PUS10: variants seen among roughly 807,000 people sequenced by gnomAD.
The protein encoded by PUS10 is tRNA pseudouridine synthase Pus10.
In PUS10, 59 loss-of-function variants were observed where a neutral mutation model predicts 75.0. The ratio of observed to expected loss-of-function variants is 0.79; its 90% confidence interval spans 0.64 to 0.98. The LOEUF is 0.98. Ranked by LOEUF, PUS10 falls within the 50% of genes least tolerant of loss-of-function variation. PUS10 has a pLI of 0.00. For synonymous variants in PUS10, 219 were observed against 211.6 expected (o/e 1.03, Z -0.30); for missense variants, 650 against 614.4 (o/e 1.06, Z -0.61).
intron 4 of PUS10, among the ~76,000 whole-genome samples, chr2:60,983,224 A>C (rs1192514275): frequency 6.6e-6 from 1 of 152,184 alleles, no homozygotes; most frequent in East Asian, 1.9e-4. Flanking sequence ...AATCAGAATG[A>C]AAAATGCTTA....
intron 4 of PUS10, among the ~76,000 whole-genome samples, chr2:60,990,198 T>A (rs1381879375): frequency 1.3e-5 from 2 of 152,092 alleles, no homozygotes; most frequent in African/African-American, 4.8e-5. Context: ...GTCTTGGAAT[T>A]AAAAACATAG....
At chr2:60,964,979 A>G (rs1053238161) in intron 8 of PUS10, 79 bp downstream of exon 8, 2 of 1,198,852 alleles carry the variant, frequency 1.7e-6, no homozygotes, top group Admixed American at 1.9e-5. Context: ...TTTCTGATGC[A>G]TATCCTTTTT....
chr2:60,970,196 C>T (rs920991098), intron 5 of PUS10, among the ~76,000 whole-genome samples: 1 of 151,994 alleles, frequency 6.6e-6, no homozygotes, highest in Non-Finnish European at 1.5e-5. Flanking sequence ...TTTCTAAAAA[C>T]ATAGGATCAA....
chr2:60,972,361 T>C (rs918469189), intron 4 of PUS10, among the ~76,000 whole-genome samples: 2 of 151,506 alleles, frequency 1.3e-5, no homozygotes, highest in Non-Finnish European at 1.5e-5. Context: ...TCCCAGCTAC[T>C]TGAGAGGCTG....
chr2:60,954,191 C>T (rs367813741), intron 12 of PUS10, 33 bp from the exon 13 acceptor site: 11 of 1,607,716 alleles, frequency 6.8e-6, no homozygotes, highest in Non-Finnish European at 9.4e-6. Context: ...GAAACAGAAA[C>T]GTGTTGATGG....
chr2:60,966,629 C>T (rs1287406992), intron 6 of PUS10: 1 of 152,402 alleles, frequency 6.6e-6, no homozygotes, highest in Admixed American at 6.5e-5. Context: ...AATGACTTCT[C>T]TAACTTCCAA....
chr2:61,017,983 G>T, intron 1 of PUS10, 25 bp downstream of exon 1: 1 of 1,313,488 alleles, frequency 7.6e-7, no homozygotes, highest in South Asian at 1.4e-5. Context: ...GGGGATAGGG[G>T]CCGAGGTGGA....
chr2:61,015,122 G>A (rs1028109259), intron 1 of PUS10, among the ~76,000 whole-genome samples: 2 of 152,146 alleles, frequency 1.3e-5, no homozygotes, highest in African/African-American at 4.8e-5. Flanking sequence ...ATTGAGAAAC[G>A]CATAGTTAGG....
rs199537720 is a variant in PUS10 at position 60,942,140 on chromosome 2, AT to A, written c.*254del. On this transcript the variant is annotated 3_prime_UTR_variant, in exon 18 of 18. Coordinates refer to ENST00000316752, the MANE Select transcript of PUS10 (RefSeq NM_144709.4). Reference sequence around the variant, plus strand: ...AAGAATTAAGGAGAATTATTTCATTATTCATAGTTTGGTTTGTGGGGGTGAA... The same window carrying A: ...AAGAATTAAGGAGAATTATTTCATTATCATAGTTTGGTTTGTGGGGGTGAA... The A allele has an allele frequency of 0.018, 7,479 of 421,126 alleles. 121 individuals are homozygous for A. The highest frequency in any genetic ancestry group is 0.021 in the Non-Finnish European group (4,818 of 231,296). The allele number at this position is 421,126 out of a possible 1,614,324, so 26.1% of individuals were successfully genotyped here.
chr2:60,941,365 C>G lies in PUS10; in HGVS notation c.*1030G>C, dbSNP rs1674619026. On this transcript the variant is annotated 3_prime_UTR_variant, in exon 18 of 18. Coordinates refer to ENST00000316752, the MANE Select transcript of PUS10 (RefSeq NM_144709.4). ...AGTTTAAATGGCATCCATAGCTGCC[C>G]CTTCACACAAACAGGTGCTCAGTAA... 1 of 152,096 alleles carries G rather than the reference C, an allele frequency of 6.6e-6. No homozygotes were observed. Among genetic ancestry groups the G allele is most frequent in the South Asian group, 2.1e-4 (1 of 4,814 alleles). 9.4% of individuals were successfully genotyped at this position (152,096 alleles called of 1,614,324 possible).
chr2:60,980,075 G>C (rs1358552490), intron 4 of PUS10, among the ~76,000 whole-genome samples: 1 of 152,108 alleles, frequency 6.6e-6, no homozygotes, highest in Non-Finnish European at 1.5e-5. Context: ...CAGGGAGGGG[G>C]ATCAGAAAAG....
At chr2:61,004,853 TATTA>T (rs1490303325) in intron 4 of PUS10, among the ~76,000 whole-genome samples, 1 of 152,148 alleles carries the variant, frequency 6.6e-6, no homozygotes, top group Non-Finnish European at 1.5e-5. Flanking sequence ...TATGGAAACA[TATTA>T]ATTCTTCAAT....
At chr2:61,012,214 G>A (rs1679650135) in intron 1 of PUS10, among the ~76,000 whole-genome samples, 1 of 152,134 alleles carries the variant, frequency 6.6e-6, no homozygotes. Context: ...TCTGAGGAGG[G>A]TAATGAAAAC....
chr2:61,011,492 G>A (rs1230540295), intron 2 of PUS10, among the ~76,000 whole-genome samples: 2 of 152,086 alleles, frequency 1.3e-5, no homozygotes, highest in Non-Finnish European at 2.9e-5. Flanking sequence ...ATATCCTTTA[G>A]GAAACATCTA....
rs1018755717 is a variant in PUS10 at position 60,942,255 on chromosome 2, T to C, written c.*140A>G. 5 of 699,062 alleles carry C rather than the reference T, an allele frequency of 7.2e-6. No homozygotes were observed. The African/African-American group carries it at 8.9e-5, about 12-fold the overall frequency. 43.3% of individuals were successfully genotyped at this position (699,062 alleles called of 1,614,324 possible). A position where few individuals can be genotyped will look rare whatever the true frequency, so the allele number is the denominator to read the frequency against. On this transcript the variant is annotated 3_prime_UTR_variant, in exon 18 of 18. Coordinates refer to ENST00000316752, the MANE Select transcript of PUS10 (RefSeq NM_144709.4). Reference sequence around the variant, plus strand: ...TAGATCCTGAGATGTTACAACAAATTAACAATTATATAGATCAACATGATC... The same window carrying C: ...TAGATCCTGAGATGTTACAACAAATCAACAATTATATAGATCAACATGATC...
At chr2:60,980,089 C>T (rs1159611780) in intron 4 of PUS10, among the ~76,000 whole-genome samples, 1 of 152,094 alleles carries the variant, frequency 6.6e-6, no homozygotes, top group Non-Finnish European at 1.5e-5. Context: ...AGAAAAGACA[C>T]AACAGTTACA....
intron 2 of PUS10, chr2:61,010,864 C>T (rs1009062754): frequency 9.0e-6 from 14 of 1,550,196 alleles, no homozygotes; most frequent in Non-Finnish European, 1.1e-5. Context: ...GGTTGCTTAA[C>T]CTCTCTGTAT....
intron 4 of PUS10, among the ~76,000 whole-genome samples, chr2:61,004,620 C>A (rs1679080332): frequency 9.0e-6 from 1 of 110,536 alleles, no homozygotes; most frequent in Non-Finnish European, 1.7e-5. Context: ...CAGAGACAGA[C>A]TCCGTCTCAA....
At chr2:60,967,903 G>A (rs550077340) in intron 5 of PUS10, among the ~76,000 whole-genome samples, 2 of 152,226 alleles carry the variant, frequency 1.3e-5, no homozygotes, top group Non-Finnish European at 2.9e-5. Context: ...AGAATTGCCA[G>A]ATTCCAGGAT....
Sources: gnomAD v4.1 joint callset for allele counts (sites outside exome capture counted in the v4.1 genomes callset) on GRCh38, gnomAD v4.1.1 for gene constraint, MANE v1.5 for transcripts, NCBI Gene and HGNC (gene_info 2026-07-23, HGNC 2026-07-21) for gene names.